Variants in L3MBTL4 observed in about 807,000 individuals in gnomAD.
L3MBTL4 encodes the protein lethal(3)malignant brain tumor-like protein 4.
Under a neutral mutation model 84.5 loss-of-function variants are expected in L3MBTL4, and 70 were observed. The observed-to-expected ratio is 0.83, with a 90% CI of 0.68 to 1.01. The LOEUF (loss-of-function observed/expected upper bound fraction) is 1.01. Among genes scored for constraint, L3MBTL4 ranks in the 50% least tolerant of loss-of-function variants. L3MBTL4 has a pLI of 0.00. For synonymous variants in L3MBTL4, 274 were observed against 259.8 expected, an observed-to-expected ratio of 1.05 and a Z score of -0.52; for missense variants, 715 against 754.8, an observed-to-expected ratio of 0.95 and a Z score of 0.62.
At position 6,097,293 on chromosome 18, in the gene L3MBTL4, G is replaced by A. The variant is rs191093206; in HGVS notation, c.1200-3765C>T. ...TAGTCCTCTTTCTTTATAATGGAAGGAAACAGAGTGATTACAATTTAAAAG... is the reference window on the plus strand; with the variant it reads ...TAGTCCTCTTTCTTTATAATGGAAGAAAACAGAGTGATTACAATTTAAAAG... On this transcript the variant is annotated intron_variant, in intron 14 of 18. Transcript: ENST00000317931. Among the ~76,000 whole-genome samples, 91 of 152,298 alleles carry A rather than the reference G, an allele frequency of 6.0e-4. 1 individual carries two copies. The highest frequency in any genetic ancestry group is 1.1e-3 in the Non-Finnish European group (74 of 68,022).
chr18:6,355,337 T>A (rs975407079), intron 1 of L3MBTL4, among the ~76,000 whole-genome samples: 4 of 152,026 alleles, frequency 2.6e-5, no homozygotes, highest in African/African-American at 9.7e-5. Context: ...AAAATTAAAA[T>A]AAAAAAATTT....
At chr18:6,045,831 A>C (rs1397306364) in intron 16 of L3MBTL4, among the ~76,000 whole-genome samples, 1 of 152,238 alleles carries the variant, frequency 6.6e-6, no homozygotes, top group Non-Finnish European at 1.5e-5. Flanking sequence ...ACACAATAGG[A>C]ACTACAAAGC....
At chr18:6,167,043 A>C (rs539305148) in intron 13 of L3MBTL4, among the ~76,000 whole-genome samples, 18 of 152,340 alleles carry the variant, frequency 1.2e-4, no homozygotes, top group Admixed American at 8.5e-4. Flanking sequence ...AAAATACTAT[A>C]AATACCTCTA....
intron 1 of L3MBTL4, among the ~76,000 whole-genome samples, chr18:6,332,606 G>T (rs1322048639): frequency 6.6e-6 from 1 of 152,126 alleles, no homozygotes; most frequent in Non-Finnish European, 1.5e-5. Context: ...CTTTATCTAG[G>T]ACTGTTAGAT....
intron 13 of L3MBTL4, among the ~76,000 whole-genome samples, chr18:6,160,530 AAGAC>A (rs2043286271): frequency 6.6e-6 from 1 of 152,078 alleles, no homozygotes; most frequent in Admixed American, 6.5e-5. Flanking sequence ...TCAGGAGTTC[AAGAC>A]CAGCCTGGCC....
At chr18:6,043,628 T>C (rs920252572) in intron 16 of L3MBTL4, among the ~76,000 whole-genome samples, 3 of 152,210 alleles carry the variant, frequency 2.0e-5, no homozygotes, top group Non-Finnish European at 2.9e-5. Flanking sequence ...TGTCTTTCAA[T>C]ACGGTCAATC....
intron 12 of L3MBTL4, among the ~76,000 whole-genome samples, chr18:6,176,285 G>A (rs374466392): frequency 6.6e-6 from 1 of 152,256 alleles, no homozygotes; most frequent in East Asian, 1.9e-4. Flanking sequence ...TTGGAGAACT[G>A]ATACTATCTG....
chr18:6,274,179 A>C (rs2146505935), intron 4 of L3MBTL4, among the ~76,000 whole-genome samples: 1 of 152,356 alleles, frequency 6.6e-6, no homozygotes, highest in Non-Finnish European at 1.5e-5. Context: ...TGTGATACCC[A>C]AACCAGCAGC....
chr18:6,056,189 G>C (rs1404635718), intron 16 of L3MBTL4, among the ~76,000 whole-genome samples: 1 of 152,068 alleles, frequency 6.6e-6, no homozygotes, highest in Non-Finnish European at 1.5e-5. Context: ...CAAGCAGAAA[G>C]GCATTCTTCT....
intron 16 of L3MBTL4, among the ~76,000 whole-genome samples, chr18:6,056,855 A>G (rs901765479): frequency 6.6e-6 from 1 of 152,166 alleles, no homozygotes; most frequent in Admixed American, 6.5e-5. Flanking sequence ...AAGTGCCTCA[A>G]CAGTAAAACA....
chr18:6,198,321 A>G (rs534930093), intron 12 of L3MBTL4, among the ~76,000 whole-genome samples: 2 of 152,314 alleles, frequency 1.3e-5, no homozygotes, highest in South Asian at 4.1e-4. Context: ...CCCTGTTTAT[A>G]GTAAGATTTC....
intron 16 of L3MBTL4, among the ~76,000 whole-genome samples, chr18:6,032,536 GT>G (rs530064434): frequency 1.5e-3 from 219 of 146,664 alleles, no homozygotes; most frequent in African/African-American, 3.7e-3. Context: ...TTTTTATCCT[GT>G]TTTTTTTTTA....
intron 4 of L3MBTL4, among the ~76,000 whole-genome samples, chr18:6,283,068 C>T (rs576514718): frequency 1.3e-5 from 2 of 152,272 alleles, no homozygotes; most frequent in Admixed American, 6.5e-5. Context: ...ATGAGAGTGA[C>T]GTTAAATCCA....
At chr18:6,344,480 C>A (rs1229379091) in intron 1 of L3MBTL4, among the ~76,000 whole-genome samples, 1 of 152,200 alleles carries the variant, frequency 6.6e-6, no homozygotes, top group East Asian at 1.9e-4. Context: ...TAACACCAAT[C>A]CTTCTCAAAC....
intron 14 of L3MBTL4, among the ~76,000 whole-genome samples, chr18:6,106,360 T>C (rs1325567638): frequency 6.6e-6 from 1 of 152,210 alleles, no homozygotes; most frequent in Non-Finnish European, 1.5e-5. Context: ...GTATTGGTGG[T>C]TGTATATGGA....
chr18:6,016,375 C>T (rs1041316099), intron 16 of L3MBTL4, among the ~76,000 whole-genome samples: 11 of 152,186 alleles, frequency 7.2e-5, no homozygotes, highest in Non-Finnish European at 1.2e-4. Flanking sequence ...GTAATCTTAC[C>T]TGTGTGATTA....
chr18:6,385,810 A>G (rs1201216741), intron 1 of L3MBTL4, among the ~76,000 whole-genome samples: 1 of 152,208 alleles, frequency 6.6e-6, no homozygotes, highest in Non-Finnish European at 1.5e-5. Flanking sequence ...CAATTCCTAT[A>G]TGGTCTATCA....
chr18:6,299,897 C>A (rs890812791), intron 4 of L3MBTL4, among the ~76,000 whole-genome samples: 6 of 152,088 alleles, frequency 3.9e-5, no homozygotes, highest in African/African-American at 1.4e-4. Context: ...GTCTTGAACT[C>A]CCAAGCTCAA....
chr18:6,252,465 C>T (rs935906676), intron 5 of L3MBTL4, among the ~76,000 whole-genome samples: 2 of 151,960 alleles, frequency 1.3e-5, no homozygotes, highest in Admixed American at 6.5e-5. Context: ...ATTTACATAT[C>T]TACATAGCTA....
Sources: allele counts gnomAD v4.1 joint callset (sites outside exome capture counted in the v4.1 genomes callset), GRCh38; gene constraint gnomAD v4.1.1; transcripts MANE v1.5; gene names NCBI Gene and HGNC (gene_info 2026-07-23, HGNC 2026-07-21).